Variants in SEMA3E observed in about 807,000 individuals in gnomAD.
The protein encoded by SEMA3E is semaphorin 3E.
SEMA3E carries 49 observed loss-of-function variants against 93.6 expected under a neutral mutation model. The observed-to-expected ratio is 0.52, with a 90% CI of 0.42 to 0.66. The LOEUF (loss-of-function observed/expected upper bound fraction) is 0.66. Among genes scored for constraint, SEMA3E ranks in the 30% least tolerant of loss-of-function variants. The pLI, the probability that SEMA3E is intolerant of heterozygous loss-of-function variation, is 0.00. For synonymous variants in SEMA3E, 363 were observed against 330.7 expected (o/e 1.10, Z -1.06); for missense variants, 906 against 964.8 (o/e 0.94, Z 0.81).
Position 83,396,742 on chromosome 7 carries a change from A to G in SEMA3E, c.1367-13T>C. 6.5e-7 allele frequency: 1 copy of G among 1,549,566 alleles called. No homozygotes were observed. Among genetic ancestry groups the G allele is most frequent in the Non-Finnish European group, 8.9e-7 (1 of 1,126,020 alleles). On this transcript the variant is annotated splice_polypyrimidine_tract_variant and intron_variant, in intron 11 of 16. Coordinates refer to ENST00000643230, the MANE Select transcript of SEMA3E (RefSeq NM_012431.3). ...ACAATTCCATTATCTGTAAGAAAAC[A>G]AAACAAGAAATAAACTAGAATCTAT... is the stretch of plus-strand genomic sequence containing the variant.
chr7:83,398,725 C>G (rs185539460), intron 11 of SEMA3E, among the ~76,000 whole-genome samples: 2 of 152,238 alleles, frequency 1.3e-5, no homozygotes, highest in Non-Finnish European at 2.9e-5. Flanking sequence ...AGGTGGATCA[C>G]CTGAGGTCAG....
intron 13 of SEMA3E, 31 bp downstream of exon 13, chr7:83,394,266 A>T (rs765093517): frequency 4.1e-6 from 6 of 1,468,818 alleles, no homozygotes; most frequent in Middle Eastern, 3.5e-4. Flanking sequence ...TAGAACACAC[A>T]CACCTACACA....
chr7:83,373,944 C>T (rs573295814), intron 16 of SEMA3E, among the ~76,000 whole-genome samples: 15 of 152,232 alleles, frequency 9.9e-5, no homozygotes, highest in African/African-American at 3.4e-4. Flanking sequence ...CGGTGTTTCA[C>T]GCCTGTAATC....
chr7:83,622,197 G>T (rs146970372), intron 1 of SEMA3E, among the ~76,000 whole-genome samples: 168 of 151,576 alleles, frequency 1.1e-3, no homozygotes, highest in African/African-American at 3.7e-3. Flanking sequence ...CTTCTCAAAA[G>T]AAGACATACA....
At chr7:83,467,543 C>T (rs569138527) in intron 3 of SEMA3E, among the ~76,000 whole-genome samples, 2 of 152,272 alleles carry the variant, frequency 1.3e-5, no homozygotes, top group African/African-American at 4.8e-5. Context: ...CAAACTTTTT[C>T]TGTAAAGGAC....
intron 14 of SEMA3E, 51 bp downstream of exon 14, chr7:83,392,504 A>C: frequency 6.4e-7 from 1 of 1,559,876 alleles, no homozygotes; most frequent in Non-Finnish European, 8.8e-7. Context: ...AAAAAAAAGC[A>C]TTAGGGTTTT....
chr7:83,415,282 CAGT>C (rs1243658201), intron 5 of SEMA3E, among the ~76,000 whole-genome samples: 1 of 152,106 alleles, frequency 6.6e-6, no homozygotes, highest in Non-Finnish European at 1.5e-5. Flanking sequence ...ACTTCAAATA[CAGT>C]AGGAGTAATC....
chr7:83,588,336 G>A (rs969056453), intron 1 of SEMA3E, among the ~76,000 whole-genome samples: 1 of 151,902 alleles, frequency 6.6e-6, no homozygotes, highest in Non-Finnish European at 1.5e-5. Context: ...AGCTGAGACC[G>A]TGCCACTGCA....
At chr7:83,412,748 G>A (rs576353643) in intron 5 of SEMA3E, among the ~76,000 whole-genome samples, 1 of 97,380 alleles carries the variant, frequency 1.0e-5, no homozygotes, top group East Asian at 3.1e-4. Context: ...GCCAGACCCT[G>A]CCTAAAAAAA....
At chr7:83,442,764 G>GT (rs1789142845) in intron 4 of SEMA3E, among the ~76,000 whole-genome samples, 1 of 152,008 alleles carries the variant, frequency 6.6e-6, no homozygotes, top group African/African-American at 2.4e-5. Flanking sequence ...CCTTCCTGAT[G>GT]TTCCTGGCCA....
chr7:83,389,735 A>G (rs1447326438), intron 14 of SEMA3E, among the ~76,000 whole-genome samples: 2 of 146,642 alleles, frequency 1.4e-5, no homozygotes, highest in African/African-American at 5.0e-5. Flanking sequence ...ATGTATACAT[A>G]TATACACGTA....
chr7:83,434,394 G>T (rs1788955271), intron 4 of SEMA3E, among the ~76,000 whole-genome samples: 1 of 152,052 alleles, frequency 6.6e-6, no homozygotes, highest in Admixed American at 6.6e-5. Flanking sequence ...TAAAATAGAA[G>T]ATTTAAATGC....
chr7:83,374,371 A>G (rs1347354914), intron 16 of SEMA3E, among the ~76,000 whole-genome samples: 1 of 152,142 alleles, frequency 6.6e-6, no homozygotes, highest in African/African-American at 2.4e-5. Flanking sequence ...GGGAGTCCAG[A>G]TGGCACAGAT....
chr7:83,589,324 T>G (rs1185670106), intron 1 of SEMA3E, among the ~76,000 whole-genome samples: 1 of 152,150 alleles, frequency 6.6e-6, no homozygotes, highest in Non-Finnish European at 1.5e-5. Context: ...AGATTATTAT[T>G]TATCCAGATA....
chr7:83,443,262 G>T lies in SEMA3E; in HGVS notation c.456+23220C>A, dbSNP rs112638665. Among the ~76,000 whole-genome samples, 1,106 of 152,218 alleles carry T rather than the reference G, an allele frequency of 7.3e-3. 16 individuals carry two copies. The highest frequency in any genetic ancestry group is 0.026 in the African/African-American group (1,065 of 41,530). On this transcript the variant is annotated intron_variant, in intron 4 of 16. Coordinates refer to ENST00000643230, the MANE Select transcript of SEMA3E (RefSeq NM_012431.3). ...ACAAAACCAAAAGTAGGACCCCAAG[G>T]GTTGGATTAGAGCTCCTGAACAAAA...
chr7:83,393,445 C>A (rs1788059495), intron 13 of SEMA3E, among the ~76,000 whole-genome samples: 1 of 152,114 alleles, frequency 6.6e-6, no homozygotes, highest in South Asian at 2.1e-4. Flanking sequence ...GAAGGATGAC[C>A]TGACCCTGGG....
chr7:83,410,295 G>C (rs2709957), intron 5 of SEMA3E, among the ~76,000 whole-genome samples: 76,801 of 151,634 alleles, frequency 0.51, 22,312 homozygotes, highest in East Asian at 0.85. Flanking sequence ...GTTAATTTTA[G>C]TTTTACTTCA....
At chr7:83,404,256 G>A (rs184945571) in intron 9 of SEMA3E, among the ~76,000 whole-genome samples, 1 of 151,852 alleles carries the variant, frequency 6.6e-6, no homozygotes, top group Non-Finnish European at 1.5e-5. Context: ...TTGAAGAAAA[G>A]GTCTCTTTGC....
At chr7:83,493,948 G>C (rs531297342) in intron 1 of SEMA3E, among the ~76,000 whole-genome samples, 1 of 151,938 alleles carries the variant, frequency 6.6e-6, no homozygotes, top group South Asian at 2.1e-4. Flanking sequence ...TGCAATAATG[G>C]ACATGGAGCC....
Sources: gnomAD v4.1 joint callset for allele counts (sites outside exome capture counted in the v4.1 genomes callset) on GRCh38, gnomAD v4.1.1 for gene constraint, MANE v1.5 for transcripts, NCBI Gene and HGNC (gene_info 2026-07-23, HGNC 2026-07-21) for gene names.